Variants in BLM observed in about 807,000 individuals in gnomAD.
The protein encoded by BLM is recQ-like DNA helicase BLM.
BLM carries 95 observed loss-of-function variants against 135.3 expected under a neutral mutation model. The observed-to-expected ratio is 0.70, with a 90% CI of 0.59 to 0.83. The LOEUF is 0.83. Among genes scored for constraint, BLM ranks in the 40% least tolerant of loss-of-function variants. The pLI is 0.00. For missense variants in BLM, 1,518 were observed against 1,663.9 expected (o/e 0.91, Z 1.53); for synonymous variants, 520 against 589.2 (o/e 0.88, Z 1.70).
At chr15:90,772,792 A>G (rs1218384986) in intron 12 of BLM, among the ~76,000 whole-genome samples, 1 of 152,124 alleles carries the variant, frequency 6.6e-6, no homozygotes, top group Non-Finnish European at 1.5e-5. Context: ...GCATTGTAGG[A>G]GGAGTAGTTT....
intron 1 of BLM, among the ~76,000 whole-genome samples, chr15:90,744,724 G>A (rs970352771): frequency 6.6e-6 from 1 of 151,260 alleles, no homozygotes; most frequent in African/African-American, 2.4e-5. Context: ...AGGAAATGCA[G>A]AGATTAAGGT....
In BLM at chr15:90,804,154, C is replaced by T; in HGVS notation, c.3559-13C>T. 1.9e-6 allele frequency: 3 copies of T among 1,610,078 alleles called. No individual in the cohort carries two copies. The highest frequency in any genetic ancestry group is 2.5e-6 in the Non-Finnish European group (3 of 1,176,680). On this transcript the variant is annotated splice_polypyrimidine_tract_variant and intron_variant, in intron 18 of 21. Transcript: ENST00000355112. ...ATATACCCACTCCTATGATTTGTTTCTCTCTCATAAAGGTAGACTTTATGG... is the reference window on the plus strand; with the variant it reads ...ATATACCCACTCCTATGATTTGTTTTTCTCTCATAAAGGTAGACTTTATGG...
chr15:90,754,793 C>T lies in BLM; in HGVS notation c.960-18C>T. The T allele has an allele frequency of 1.9e-6, 3 of 1,612,072 alleles. No homozygotes were observed. The highest frequency in any genetic ancestry group is 2.5e-6 in the Non-Finnish European group (3 of 1,178,820). Reference sequence around the variant, plus strand: ...CTAGCCTATAGTATGATTGGCTTAACATTTTTTTTATTTGCAGTACGTTAA... The same window carrying T: ...CTAGCCTATAGTATGATTGGCTTAATATTTTTTTTATTTGCAGTACGTTAA... On this transcript the variant is annotated intron_variant, in intron 4 of 21. Transcript: ENST00000355112.
At chr15:90,787,619 C>T (rs956612356) in intron 14 of BLM, among the ~76,000 whole-genome samples, 1 of 151,918 alleles carries the variant, frequency 6.6e-6, no homozygotes, top group African/African-American at 2.4e-5. Flanking sequence ...TAACAACTTC[C>T]ATAAGATCAC....
intron 5 of BLM, among the ~76,000 whole-genome samples, chr15:90,759,464 A>C (rs776825992): frequency 2.6e-5 from 4 of 151,848 alleles, no homozygotes; most frequent in Non-Finnish European, 4.4e-5. Context: ...ACAGTGGCAT[A>C]GGCCTGTAGT....
intron 14 of BLM, among the ~76,000 whole-genome samples, chr15:90,787,522 G>A (rs1445003023): frequency 6.6e-6 from 1 of 152,124 alleles, no homozygotes. Context: ...TCTCAAAATT[G>A]TTTTCTCTGG....
chr15:90,763,259 T>A, intron 8 of BLM, 102 bp downstream of exon 8: 1 of 1,237,776 alleles, frequency 8.1e-7, no homozygotes, highest in South Asian at 1.2e-5. Flanking sequence ...ATTTCTATCA[T>A]TTAGGGACCT....
At chr15:90,734,258 A>G (rs1351919955) in intron 1 of BLM, among the ~76,000 whole-genome samples, 10 of 152,022 alleles carry the variant, frequency 6.6e-5, no homozygotes, top group Non-Finnish European at 1.3e-4. Context: ...TATATAGTAA[A>G]AACTCTTAAG....
At chr15:90,810,546 A>G (rs868772618) in intron 20 of BLM, among the ~76,000 whole-genome samples, 7 of 152,158 alleles carry the variant, frequency 4.6e-5, no homozygotes, top group Non-Finnish European at 8.8e-5. Flanking sequence ...TGAGCTATCT[A>G]TAGGGAGGTT....
chr15:90,761,288 A>T, intron 7 of BLM, 33 bp downstream of exon 7: 2 of 1,401,598 alleles, frequency 1.4e-6, no homozygotes, highest in Non-Finnish European at 1.9e-6. Flanking sequence ...GCTTATATGA[A>T]AACAAAACTG....
intron 1 of BLM, among the ~76,000 whole-genome samples, chr15:90,733,151 G>A (rs62025087): frequency 5.9e-5 from 9 of 152,008 alleles, no homozygotes; most frequent in Non-Finnish European, 1.2e-4. Context: ...AAATAAATTA[G>A]CCTAATAGAA....
chr15:90,788,970 CA>C (rs34736315), intron 14 of BLM, among the ~76,000 whole-genome samples: 10,715 of 110,498 alleles, frequency 0.097, 406 homozygotes, highest in African/African-American at 0.13. Context: ...GAGACTGTCT[CA>C]AAAAAAAAAA....
intron 1 of BLM, among the ~76,000 whole-genome samples, chr15:90,743,712 T>A (rs1006065782): frequency 6.6e-6 from 1 of 152,166 alleles, no homozygotes; most frequent in Non-Finnish European, 1.5e-5. Flanking sequence ...TCTTTTTGTG[T>A]CCAACAATTG....
rs1895945158 is a variant in BLM, at chr15:90,760,586, C to T, written c.1221-8C>T. The T allele has an allele frequency of 5.0e-6, 8 of 1,606,116 alleles. No individual in the cohort carries two copies. The Admixed American group carries it at 1.0e-4, about 20-fold the overall frequency. ...TATTTAATACGTTGTTCTCTTTTCT[C>T]TCTTCAGAAGGAAACTTCTAACGGA... On this transcript the variant is annotated splice_region_variant and splice_polypyrimidine_tract_variant and intron_variant, in intron 6 of 21. Transcript: ENST00000355112.
chr15:90,730,746 T>A (rs1190861174), intron 1 of BLM, among the ~76,000 whole-genome samples: 2 of 152,072 alleles, frequency 1.3e-5, no homozygotes, highest in African/African-American at 4.8e-5. Flanking sequence ...ATGCCCGGCG[T>A]GATAAGAGTT....
intron 14 of BLM, among the ~76,000 whole-genome samples, chr15:90,786,242 C>T (rs966115545): frequency 2.0e-5 from 3 of 152,114 alleles, no homozygotes; most frequent in Non-Finnish European, 4.4e-5. Context: ...CCTGCCTCAA[C>T]CTACCAAATT....
rs1481709366 is a variant in BLM at position 90,760,720 on chromosome 15, T to A, written c.1347T>A (p.Ser449=). The change falls in exon 7 of 22, where the codon TCT becomes TCA. Residue 449 remains serine (S), a synonymous_variant. Transcript: ENST00000355112. ...GTGATTCCTGCCCTACAGGGAATTCTATGAAGGAGTTAAATTTTTCACACC... is the reference window on the plus strand; with the variant it reads ...GTGATTCCTGCCCTACAGGGAATTCAATGAAGGAGTTAAATTTTTCACACC... ...MEGDSCPTGN[S]MKELNFSHLP... The A allele has an allele frequency of 6.2e-7, 1 of 1,614,174 alleles. No individual in the cohort carries two copies. The highest frequency in any genetic ancestry group is 8.5e-7 in the Non-Finnish European group (1 of 1,180,022).
chr15:90,772,294 C>T (rs1253579454), intron 12 of BLM, among the ~76,000 whole-genome samples: 1 of 152,160 alleles, frequency 6.6e-6, no homozygotes, highest in Non-Finnish European at 1.5e-5. Context: ...TATTCTTCCT[C>T]TTTGGGAAAT....
At chr15:90,783,972 GTTA>G (rs1327572419) in intron 13 of BLM, among the ~76,000 whole-genome samples, 1 of 152,092 alleles carries the variant, frequency 6.6e-6, no homozygotes, top group Non-Finnish European at 1.5e-5. Flanking sequence ...TCACTGTTAT[GTTA>G]TTATTAATTT....
Sources: allele counts gnomAD v4.1 joint callset (sites outside exome capture counted in the v4.1 genomes callset), GRCh38; gene constraint gnomAD v4.1.1; transcripts MANE v1.5; gene names NCBI Gene and HGNC (gene_info 2026-07-23, HGNC 2026-07-21).